Variants in GPC6 observed in about 807,000 individuals in gnomAD.
The protein encoded by GPC6 is glypican-6.
GPC6 carries 14 observed loss-of-function variants against 55.2 expected under a neutral mutation model. That is an observed-to-expected ratio of 0.25 (90% CI 0.17 to 0.40). The LOEUF (loss-of-function observed/expected upper bound fraction) is 0.40, where lower values mean the gene tolerates loss of function less well. Ranked by LOEUF, GPC6 falls within the 10% of genes least tolerant of loss-of-function variation. The pLI, the probability that GPC6 is intolerant of heterozygous loss-of-function variation, is 1.00. For synonymous variants in GPC6, 278 were observed against 259.6 expected (o/e 1.07, Z -0.68); for missense variants, 641 against 708.5 (o/e 0.90, Z 1.08).
At chr13:94,033,746 C>A (rs1883222352) in intron 4 of GPC6, among the ~76,000 whole-genome samples, 1 of 152,064 alleles carries the variant, frequency 6.6e-6, no homozygotes, top group Non-Finnish European at 1.5e-5. Flanking sequence ...TACCATGTTA[C>A]AAAAACCTCT....
chr13:94,263,019 A>T (rs1409676056), intron 4 of GPC6, among the ~76,000 whole-genome samples: 1 of 152,228 alleles, frequency 6.6e-6, no homozygotes, highest in Non-Finnish European at 1.5e-5. Context: ...AATAAAAATA[A>T]CTTTCACTTA....
Position 93,257,931 on chromosome 13 carries a change from A to G in GPC6, c.160+30315A>G, listed in dbSNP as rs568676208. ...TTAGCTCTCAGTTGTTAGAGAAGGTAAGAAGTAGTAAAAAATTATTCCGGT... is the reference window on the plus strand; with the variant it reads ...TTAGCTCTCAGTTGTTAGAGAAGGTGAGAAGTAGTAAAAAATTATTCCGGT... On this transcript the variant is annotated intron_variant, in intron 1 of 8. Coordinates refer to ENST00000377047, the MANE Select transcript of GPC6 (RefSeq NM_005708.5). Among the ~76,000 whole-genome samples the G allele has an allele frequency of 4.5e-3, 690 of 152,326 alleles. 4 individuals carry two copies. Among genetic ancestry groups the G allele is most frequent in the African/African-American group, 0.014 (602 of 41,572 alleles).
chr13:93,518,675 T>TA (rs1181965307), intron 1 of GPC6, among the ~76,000 whole-genome samples: 3 of 152,040 alleles, frequency 2.0e-5, no homozygotes, highest in Non-Finnish European at 4.4e-5. Flanking sequence ...GGCCAGTAGT[T>TA]AAGCCTCTGT....
intron 1 of GPC6, among the ~76,000 whole-genome samples, chr13:93,461,378 A>T (rs573031757): frequency 1.3e-5 from 2 of 152,206 alleles, no homozygotes; most frequent in Non-Finnish European, 2.9e-5. Context: ...TATGAAAAGC[A>T]TCTAAAATTT....
At chr13:93,444,198 T>TTTTC (rs1566360687) in intron 1 of GPC6, among the ~76,000 whole-genome samples, 3 of 59,310 alleles carry the variant, frequency 5.1e-5, no homozygotes, top group Non-Finnish European at 1.6e-4. Flanking sequence ...AATTCTTCTT[T>TTTTC]TTTTTTTTTT....
At chr13:93,939,025 C>T (rs904078021) in intron 3 of GPC6, among the ~76,000 whole-genome samples, 3 of 152,066 alleles carry the variant, frequency 2.0e-5, no homozygotes, top group African/African-American at 7.2e-5. Context: ...TCGCTTGAAC[C>T]CAGGAGGTGG....
chr13:94,020,011 TTTTG>T (rs1365014437), intron 3 of GPC6, among the ~76,000 whole-genome samples: 5 of 152,154 alleles, frequency 3.3e-5, no homozygotes, highest in African/African-American at 9.6e-5. Flanking sequence ...TATTTGCTTT[TTTTG>T]TTTATTTTCA....
intron 3 of GPC6, among the ~76,000 whole-genome samples, chr13:93,935,384 C>A (rs1488007467): frequency 6.6e-6 from 1 of 152,124 alleles, no homozygotes; most frequent in East Asian, 1.9e-4. Flanking sequence ...TTACTCAATT[C>A]ACTTAAGATA....
At chr13:94,061,728 A>C (rs1884332395) in intron 4 of GPC6, among the ~76,000 whole-genome samples, 1 of 151,884 alleles carries the variant, frequency 6.6e-6, no homozygotes, top group African/African-American at 2.4e-5. Context: ...CTAACCTTAA[A>C]ATAAACCTGC....
chr13:94,022,533 G>C (rs1172778672), intron 3 of GPC6, among the ~76,000 whole-genome samples: 1 of 152,020 alleles, frequency 6.6e-6, no homozygotes, highest in East Asian at 1.9e-4. Context: ...TGTGAATAAA[G>C]CTGCAATAAA....
At chr13:93,910,639 CA>C in intron 3 of GPC6, among the ~76,000 whole-genome samples, 1 of 152,006 alleles carries the variant, frequency 6.6e-6, no homozygotes, top group East Asian at 1.9e-4. Context: ...TGTGGTGTTC[CA>C]AAACAGCTCA....
intron 1 of GPC6, among the ~76,000 whole-genome samples, chr13:93,355,145 C>A (rs1157099769): frequency 1.3e-5 from 2 of 152,116 alleles, no homozygotes; most frequent in Non-Finnish European, 2.9e-5. Flanking sequence ...ATTAACGTTC[C>A]TCTCCTGTTT....
intron 2 of GPC6, among the ~76,000 whole-genome samples, chr13:93,667,204 A>G (rs1195909737): frequency 2.0e-5 from 3 of 152,130 alleles, no homozygotes; most frequent in Admixed American, 6.5e-5. Flanking sequence ...CTAAACATTT[A>G]TTTCTTTGAG....
rs141483738 is a variant in GPC6, at chr13:93,275,101, G to A, written c.160+47485G>A. Among the ~76,000 whole-genome samples the A allele has an allele frequency of 4.5e-3, 691 of 152,250 alleles. 7 individuals carry two copies. Among genetic ancestry groups the A allele is most frequent in the African/African-American group, 0.016 (656 of 41,526 alleles). On this transcript the variant is annotated intron_variant, in intron 1 of 8. Transcript: ENST00000377047. ...TATTACAGGTCCTGCTTCCAAACTGGGAAAGCCTCTTCTGATTATAGACTA... is the reference window on the plus strand; with the variant it reads ...TATTACAGGTCCTGCTTCCAAACTGAGAAAGCCTCTTCTGATTATAGACTA...
intron 3 of GPC6, among the ~76,000 whole-genome samples, chr13:93,896,166 G>A (rs886980748): frequency 2.0e-5 from 3 of 151,842 alleles, no homozygotes; most frequent in African/African-American, 7.3e-5. Context: ...CGATAAATAC[G>A]TACAGCTATT....
At chr13:94,121,772 A>G (rs1254808670) in intron 4 of GPC6, among the ~76,000 whole-genome samples, 2 of 152,116 alleles carry the variant, frequency 1.3e-5, no homozygotes, top group Non-Finnish European at 2.9e-5. Context: ...TCTTAATCTT[A>G]AAATAGAGCT....
At chr13:93,314,712 G>T (rs974901683) in intron 1 of GPC6, among the ~76,000 whole-genome samples, 3 of 147,556 alleles carry the variant, frequency 2.0e-5, no homozygotes, top group East Asian at 2.0e-4. Context: ...AACAAGGAGG[G>T]GTGTGTGTGT....
At chr13:93,259,542 A>C (rs1877065879) in intron 1 of GPC6, among the ~76,000 whole-genome samples, 1 of 152,084 alleles carries the variant, frequency 6.6e-6, no homozygotes, top group Admixed American at 6.5e-5. Flanking sequence ...TTCATCTTTT[A>C]AGGGACTGTA....
intron 4 of GPC6, among the ~76,000 whole-genome samples, chr13:94,090,880 G>T (rs1341920233): frequency 6.6e-6 from 1 of 152,100 alleles, no homozygotes; most frequent in Non-Finnish European, 1.5e-5. Context: ...TGTAATGTTT[G>T]AAATGATTAG....
Sources: allele counts gnomAD v4.1 joint callset (sites outside exome capture counted in the v4.1 genomes callset), GRCh38; gene constraint gnomAD v4.1.1; transcripts MANE v1.5; gene names NCBI Gene and HGNC (gene_info 2026-07-23, HGNC 2026-07-21).